Variants in DIAPH2 observed in about 807,000 individuals in gnomAD.
The protein encoded by DIAPH2 is diaphanous related formin 2, also known as protein diaphanous homolog 2.
A neutral mutation model predicts 92.7 loss-of-function variants in DIAPH2; 35 were observed. The ratio of observed to expected loss-of-function variants is 0.38; its 90% CI spans 0.29 to 0.50. The LOEUF (loss-of-function observed/expected upper bound fraction) is 0.50, where lower values mean the gene tolerates loss of function less well. DIAPH2 is among the 20% of genes least tolerant of loss of function. The probability of loss-of-function intolerance (pLI) is 0.94; values close to 1 mark genes in which losing one functional copy is unlikely to be tolerated. For missense variants in DIAPH2, 701 were observed against 819.5 expected (o/e 0.86, Z 1.77); for synonymous variants, 301 against 280.4 (o/e 1.07, Z -0.73).
At chrX:96,694,465 C>T (rs1020148302) in intron 1 of DIAPH2, among the ~76,000 whole-genome samples, 12 of 109,997 alleles carry the variant, frequency 1.1e-4, no homozygotes, top group African/African-American at 3.7e-4. Context: ...CTCAGCCTCC[C>T]GAGTACCTGG....
chrX:97,221,767 C>T (rs1349726946), intron 22 of DIAPH2, among the ~76,000 whole-genome samples: 1 of 111,214 alleles, frequency 9.0e-6, no homozygotes. Flanking sequence ...GAATGTCTTG[C>T]TTAAAATTTC....
rs182903688 is a variant in DIAPH2 at position 97,391,852 on chromosome X, A to T, written c.3145+7808A>T. 1.3e-4 allele frequency among the ~76,000 whole-genome samples: 15 copies of T among 111,430 alleles called. No individual in the cohort carries two copies. The East Asian group carries it at 3.9e-3, about 29-fold the overall frequency. ...TTATTTCTGTAATCTACATTTGATC[A>T]ACTGAGCTCAGAATTAAGTAATGAT... On this transcript the variant is annotated intron_variant, in intron 25 of 26. Transcript: ENST00000324765.
intron 23 of DIAPH2, among the ~76,000 whole-genome samples, chrX:97,275,177 C>T (rs377315627): frequency 0.011 from 1,234 of 111,692 alleles, 13 homozygotes; most frequent in African/African-American, 0.038. Context: ...GACGGGGTGG[C>T]GGCCGGGCAG....
At chrX:97,241,886 C>T (rs181660853) in intron 22 of DIAPH2, among the ~76,000 whole-genome samples, 1,441 of 104,303 alleles carry the variant, frequency 0.014, 32 homozygotes, top group African/African-American at 0.048. Flanking sequence ...AGCGATTCTC[C>T]TGCCTCAGCC....
chrX:96,805,424 G>C (rs1376152748), intron 4 of DIAPH2, among the ~76,000 whole-genome samples: 1 of 110,812 alleles, frequency 9.0e-6, no homozygotes, highest in Non-Finnish European at 1.9e-5. Context: ...ATCTGGTATG[G>C]TTATATTTAG....
intron 23 of DIAPH2, among the ~76,000 whole-genome samples, chrX:97,302,345 A>G (rs1457530683): frequency 9.1e-6 from 1 of 109,514 alleles, no homozygotes; most frequent in Non-Finnish European, 1.9e-5. Context: ...CCTGGCCAAT[A>G]TGGTGAAACC....
At chrX:96,951,549 A>G (rs1313605471) in intron 15 of DIAPH2, among the ~76,000 whole-genome samples, 1 of 111,447 alleles carries the variant, frequency 9.0e-6, no homozygotes, top group Non-Finnish European at 1.9e-5. Context: ...AAGCATTCTC[A>G]ACTCCTGGCC....
intron 4 of DIAPH2, among the ~76,000 whole-genome samples, chrX:96,825,041 G>T (rs1193503139): frequency 9.3e-6 from 1 of 108,088 alleles, no homozygotes; most frequent in African/African-American, 3.4e-5. Flanking sequence ...CGACTCCCAG[G>T]TTCAAGTGAT....
intron 17 of DIAPH2, among the ~76,000 whole-genome samples, chrX:97,008,044 G>A (rs2066196866): frequency 9.8e-6 from 1 of 101,543 alleles, no homozygotes; most frequent in Admixed American, 1.1e-4. Context: ...TTACAGATGT[G>A]AGCCACTGTG....
chrX:96,864,383 T>C lies in DIAPH2; in HGVS notation c.448-17196T>C, dbSNP rs759876812. ...TCAGCATTGTAAAAGAATATCCATC[T>C]TACCCCATGGGTAGGGCTTTTTAGT... On this transcript the variant is annotated intron_variant, in intron 4 of 26. Transcript: ENST00000324765. Among the ~76,000 whole-genome samples, 5 of 110,363 alleles carry C rather than the reference T, an allele frequency of 4.5e-5. No individual in the cohort carries two copies. In the East Asian group the frequency reaches 1.4e-3, roughly 32 times the overall value.
intron 4 of DIAPH2, among the ~76,000 whole-genome samples, chrX:96,851,363 A>G (rs1343076881): frequency 9.0e-6 from 1 of 111,656 alleles, no homozygotes; most frequent in Non-Finnish European, 1.9e-5. Context: ...TTGGCCCCCC[A>G]AAGTGCTGGG....
Position 96,937,363 on chromosome X carries a change from C to A in DIAPH2, c.1208+12C>A. The A allele has an allele frequency of 9.7e-7, 1 of 1,031,017 alleles. No homozygotes were observed. Among genetic ancestry groups the A allele is most frequent in the Non-Finnish European group, 1.3e-6 (1 of 762,802 alleles). 85.0% of individuals were successfully genotyped at this position (1,031,017 alleles called of 1,213,427 possible). A position where few individuals can be genotyped will look rare whatever the true frequency, so the allele number is the denominator to read the frequency against. Reference sequence around the variant, plus strand: ...CGAGCAGAAATGGAATATCCTTTGACAAACCACAAAACAATTTTGTTTGCA... The same window carrying A: ...CGAGCAGAAATGGAATATCCTTTGAAAAACCACAAAACAATTTTGTTTGCA... On this transcript the variant is annotated intron_variant, in intron 11 of 26. Transcript: ENST00000324765.
At chrX:97,173,653 C>A (rs1040854031) in intron 22 of DIAPH2, among the ~76,000 whole-genome samples, 5 of 111,458 alleles carry the variant, frequency 4.5e-5, no homozygotes, top group Middle Eastern at 9.3e-3. Flanking sequence ...GACCTGTAAT[C>A]TCAGTACTCT....
chrX:96,848,933 G>A (rs933829037), intron 4 of DIAPH2, among the ~76,000 whole-genome samples: 1 of 111,411 alleles, frequency 9.0e-6, no homozygotes, highest in African/African-American at 3.3e-5. Context: ...ACAGTTTTGG[G>A]GATCAAGGTG....
At chrX:97,121,997 A>C (rs886065481) in intron 21 of DIAPH2, among the ~76,000 whole-genome samples, 1 of 111,859 alleles carries the variant, frequency 8.9e-6, no homozygotes, top group Non-Finnish European at 1.9e-5. Flanking sequence ...AAGATTCAAA[A>C]ACTAGTAAAG....
At chrX:97,588,996 A>AATATATAT (rs199558439) in intron 26 of DIAPH2, among the ~76,000 whole-genome samples, 1,324 of 31,640 alleles carry the variant, frequency 0.042, 66 homozygotes, top group South Asian at 0.12. Context: ...ATATTATAGA[A>AATATATAT]ATATATATAT....
chrX:96,870,872 G>A (rs1046833430), intron 4 of DIAPH2, among the ~76,000 whole-genome samples: 6 of 111,829 alleles, frequency 5.4e-5, no homozygotes, highest in African/African-American at 2.0e-4. Context: ...TAGGCTGTAG[G>A]ATACATTTAT....
intron 7 of DIAPH2, among the ~76,000 whole-genome samples, chrX:96,915,378 GT>G (rs1218412659): frequency 3.8e-5 from 4 of 105,369 alleles, no homozygotes; most frequent in Non-Finnish European, 7.8e-5. Flanking sequence ...TTTTGTTTTT[GT>G]TGCTTCTTTC....
chrX:97,352,607 A>C (rs1004352236), intron 24 of DIAPH2, among the ~76,000 whole-genome samples: 8 of 109,586 alleles, frequency 7.3e-5, no homozygotes, highest in Non-Finnish European at 1.1e-4. Flanking sequence ...CAGTGGCTCA[A>C]GCCGGTAATC....
Sources: allele counts gnomAD v4.1 joint callset (sites outside exome capture counted in the v4.1 genomes callset), GRCh38; gene constraint gnomAD v4.1.1; transcripts MANE v1.5; gene names NCBI Gene and HGNC (gene_info 2026-07-23, HGNC 2026-07-21).